Variants in CAMSAP2 observed in about 807,000 individuals in gnomAD.
The protein encoded by CAMSAP2 is calmodulin-regulated spectrin-associated protein 2.
In CAMSAP2, 26 loss-of-function variants were observed where a neutral mutation model predicts 146.1. The ratio of observed to expected loss-of-function variants is 0.18; its 90% confidence interval spans 0.13 to 0.25. CAMSAP2 has a LOEUF of 0.25. Among genes scored for constraint, CAMSAP2 ranks in the 10% least tolerant of loss-of-function variants. The pLI, the probability that CAMSAP2 is intolerant of heterozygous loss-of-function variation, is 1.00. For missense variants in CAMSAP2, 1,381 were observed against 1,759.3 expected (o/e 0.78, Z 3.85); for synonymous variants, 499 against 596.6 (o/e 0.84, Z 2.38).
Position 200,739,842 on chromosome 1 carries a change from A to G in CAMSAP2, c.15A>G (p.Ala5=), listed in dbSNP as rs1319920644. The part of the protein sequence containing the change: MGDA[A]DPREMRKTFI... ...CGCGGTGAAAGATGGGGGATGCTGC[A>G]GACCCCAGGGAGATGAGAAAGACGT... is the stretch of plus-strand genomic sequence containing the variant. Residue 5 remains alanine (A), a synonymous_variant, in exon 1 of 17, where the codon GCA becomes GCG. Transcript: ENST00000358823. This position sits in a 1 kb window ranked among gnomAD's most constrained non-coding sequence, Gnocchi z 4.8. 6.2e-7 allele frequency: 1 copy of G among 1,613,862 alleles called. No individual in the cohort carries two copies. The highest frequency in any genetic ancestry group is 8.5e-7 in the Non-Finnish European group (1 of 1,179,846).
chr1:200,750,942 C>T (rs1371452000), intron 1 of CAMSAP2, among the ~76,000 whole-genome samples: 1 of 123,344 alleles, frequency 8.1e-6, no homozygotes, highest in South Asian at 2.6e-4. Flanking sequence ...TTTGCTTTGT[C>T]ACCAGGCTGG....
chr1:200,807,941 A>G (rs1197396432), intron 3 of CAMSAP2, among the ~76,000 whole-genome samples: 2 of 151,978 alleles, frequency 1.3e-5, no homozygotes, highest in African/African-American at 4.8e-5. Context: ...AGTTTTCGCC[A>G]TGTTGGCCAG....
intron 1 of CAMSAP2, among the ~76,000 whole-genome samples, chr1:200,752,523 C>T (rs1001587742): frequency 2.0e-5 from 3 of 152,108 alleles, no homozygotes; most frequent in African/African-American, 7.2e-5. Context: ...ATCTGATTCA[C>T]AGCCCGTATT....
intron 4 of CAMSAP2, among the ~76,000 whole-genome samples, chr1:200,822,309 A>G (rs1312118867): frequency 2.0e-5 from 3 of 152,226 alleles, no homozygotes; most frequent in Non-Finnish European, 4.4e-5. Context: ...TAATGTCAGT[A>G]TAATACTGTA....
chr1:200,829,945 T>A (rs1221579149), intron 4 of CAMSAP2, among the ~76,000 whole-genome samples: 2 of 150,506 alleles, frequency 1.3e-5, no homozygotes, highest in African/African-American at 4.9e-5. Flanking sequence ...ATAATAATAA[T>A]AAAATAAAAA....
intron 4 of CAMSAP2, among the ~76,000 whole-genome samples, chr1:200,823,875 A>AT (rs971752155): frequency 9.2e-5 from 14 of 152,216 alleles, no homozygotes; most frequent in Admixed American, 7.2e-4. Flanking sequence ...TTCCCCATTT[A>AT]TTTTTTATAT....
At position 200,836,681 on chromosome 1, in the gene CAMSAP2, T is replaced by C. The variant is rs185829918; in HGVS notation, c.927+3836T>C. Among the ~76,000 whole-genome samples, 9 of 152,352 alleles carry C rather than the reference T, an allele frequency of 5.9e-5. No homozygotes were observed. The East Asian group carries it at 1.5e-3, about 26-fold the overall frequency. Reference sequence around the variant, plus strand: ...GGAATTACCACACTGTTTTCCACATTGGTTGAACTAGTTTACACTCCTACC... The same window carrying C: ...GGAATTACCACACTGTTTTCCACATCGGTTGAACTAGTTTACACTCCTACC... On this transcript the variant is annotated intron_variant, in intron 6 of 16. Coordinates refer to ENST00000358823, the MANE Select transcript of CAMSAP2 (RefSeq NM_203459.4).
At chr1:200,829,070 G>A (rs750072413) in intron 4 of CAMSAP2, among the ~76,000 whole-genome samples, 3 of 152,052 alleles carry the variant, frequency 2.0e-5, no homozygotes, top group East Asian at 1.9e-4. Context: ...CAGGAGAATC[G>A]CTTGAACCAG....
chr1:200,740,516 G>A (rs1025502634), intron 1 of CAMSAP2, among the ~76,000 whole-genome samples: 3 of 152,188 alleles, frequency 2.0e-5, no homozygotes, highest in Non-Finnish European at 2.9e-5. Flanking sequence ...CGCATGTTAA[G>A]TTCTTATTAA....
chr1:200,739,680 T>G lies in CAMSAP2; in HGVS notation c.-148T>G, dbSNP rs1664091977. 5 of 654,696 alleles carry G rather than the reference T, an allele frequency of 7.6e-6. No individual in the cohort carries two copies. The highest frequency in any genetic ancestry group is 6.6e-6 in the Non-Finnish European group (3 of 453,442). 40.6% of individuals were successfully genotyped at this position (654,696 alleles called of 1,614,324 possible). A position where few individuals can be genotyped will look rare whatever the true frequency, so the allele number is the denominator to read the frequency against. ...GCGGCAGGCGCGCGGCGCGGACAGCTGAGCTTCTCCTCCGTCGGCGCCCGG... is the reference window on the plus strand; with the variant it reads ...GCGGCAGGCGCGCGGCGCGGACAGCGGAGCTTCTCCTCCGTCGGCGCCCGG... On this transcript the variant is annotated 5_prime_UTR_variant, in exon 1 of 17. It removes the in-frame stop codon of an upstream open reading frame in the 5' UTR. Coordinates refer to ENST00000358823, the MANE Select transcript of CAMSAP2 (RefSeq NM_203459.4). This position sits in a 1 kb window ranked among gnomAD's most constrained non-coding sequence, Gnocchi z 4.8.
In CAMSAP2 at chr1:200,760,846, G is replaced by A; in HGVS notation, c.147G>A (p.Val49=). 1.3e-6 allele frequency: 2 copies of A among 1,576,584 alleles called. No homozygotes were observed. The highest frequency in any genetic ancestry group is 1.7e-6 in the Non-Finnish European group (2 of 1,156,826). ...LVAKAFGTEN[V]PEELQEPFYT... is the part of the protein sequence containing the mutation. ...TTCCATTAATCTTTATAGAAAATGT[G>A]CCAGAGGAACTTCAAGAACCATTTT... Residue 49 remains valine (V), a synonymous_variant, in exon 2 of 17, where the codon GTG becomes GTA. Transcript: ENST00000358823.
chr1:200,787,155 G>A (rs1314016466), intron 2 of CAMSAP2, among the ~76,000 whole-genome samples: 2 of 152,200 alleles, frequency 1.3e-5, no homozygotes, highest in South Asian at 2.1e-4. Context: ...GTGGCCCATG[G>A]ATCAGGGAGT....
At position 200,853,598 on chromosome 1, in the gene CAMSAP2, G is replaced by GT. The variant is rs796069773; in HGVS notation, c.3823+106dup. On this transcript the variant is annotated intron_variant, in intron 13 of 16. Transcript: ENST00000358823. This position sits in a 1 kb window ranked among gnomAD's most constrained non-coding sequence, Gnocchi z 5.1. ...TTTGATGTGCAAAATTGGATACACA[G>GT]TTTGAGATTGTGCATGCTCCCTTTT... 11 of 851,804 alleles carry GT rather than the reference G, an allele frequency of 1.3e-5. No homozygotes were observed. In the African/African-American group the frequency reaches 1.9e-4, roughly 15 times the overall value. The allele number at this position is 851,804 out of a possible 1,614,324, so 52.8% of individuals were successfully genotyped here.
In CAMSAP2 at chr1:200,857,677, A is replaced by G; in HGVS notation, c.4132-77A>G. The G allele has an allele frequency of 2.4e-6, 3 of 1,239,192 alleles. No homozygotes were observed. Among genetic ancestry groups the G allele is most frequent in the Non-Finnish European group, 3.4e-6 (3 of 891,696 alleles). The allele number at this position is 1,239,192 out of a possible 1,614,324, so 76.8% of individuals were successfully genotyped here. The stretch of plus-strand genomic sequence containing the variant: ...AAAATGTGACTAAGAAACGTAACAT[A>G]ATTATATAAACTTTATTCAGCAAAA... On this transcript the variant is annotated intron_variant, in intron 16 of 16. Transcript: ENST00000358823. This position sits in a 1 kb window ranked among gnomAD's most constrained non-coding sequence, Gnocchi z 4.7.
At chr1:200,777,403 G>T (rs913988990) in intron 2 of CAMSAP2, among the ~76,000 whole-genome samples, 1 of 152,168 alleles carries the variant, frequency 6.6e-6, no homozygotes, top group African/African-American at 2.4e-5. Flanking sequence ...ATGAGAAGAA[G>T]CATGGTAGAA....
In CAMSAP2 at chr1:200,818,219, A is replaced by G. The variant is rs192680916; in HGVS notation, c.645+2575A>G. Among the ~76,000 whole-genome samples the G allele has an allele frequency of 1.4e-4, 21 of 152,318 alleles. No individual in the cohort carries two copies. The East Asian group carries it at 4.0e-3, about 29-fold the overall frequency. On this transcript the variant is annotated intron_variant, in intron 4 of 16. Coordinates refer to ENST00000358823, the MANE Select transcript of CAMSAP2 (RefSeq NM_203459.4). ...ACATTATGAACCAAATGGGGATTTT[A>G]TATGATGACAGAGGGCCCAAGAAAC... is the stretch of plus-strand genomic sequence containing the variant.
At chr1:200,812,727 G>C (rs1253474648) in intron 3 of CAMSAP2, among the ~76,000 whole-genome samples, 1 of 152,174 alleles carries the variant, frequency 6.6e-6, no homozygotes, top group Middle Eastern at 3.4e-3. Flanking sequence ...ACTTAAAAAA[G>C]CAAAATCACA....
intron 1 of CAMSAP2, among the ~76,000 whole-genome samples, chr1:200,759,942 T>C (rs965237134): frequency 4.6e-5 from 7 of 152,208 alleles, no homozygotes; most frequent in Non-Finnish European, 8.8e-5. Context: ...TTCTCTCGTT[T>C]GTTTTGGTAA....
chr1:200,831,054 A>G (rs1052771590), intron 4 of CAMSAP2, among the ~76,000 whole-genome samples: 3 of 151,602 alleles, frequency 2.0e-5, no homozygotes, highest in African/African-American at 7.3e-5. Context: ...GTTTTATCTT[A>G]TAATTATATT....
Sources: allele counts gnomAD v4.1 joint callset (sites outside exome capture counted in the v4.1 genomes callset), GRCh38; gene constraint gnomAD v4.1.1; non-coding constraint Gnocchi (gnomAD v3.1); transcripts MANE v1.5; gene names NCBI Gene and HGNC (gene_info 2026-07-23, HGNC 2026-07-21).